Variants in WNK3 observed in about 807,000 individuals in gnomAD.
WNK3 encodes WNK lysine deficient protein kinase 3.
In WNK3, 18 loss-of-function variants were observed where a neutral mutation model predicts 116.7. That is an observed-to-expected ratio of 0.15 (90% CI 0.11 to 0.23). WNK3 has a LOEUF of 0.23. WNK3 is among the 10% of genes least tolerant of loss of function. WNK3 has a pLI of 1.00. For synonymous variants in WNK3, 404 were observed against 469.4 expected (o/e 0.86, Z 1.80); for missense variants, 993 against 1,323.8 (o/e 0.75, Z 3.88).
intron 8 of WNK3, 137 bp from the exon 9 acceptor site, chrX:54,293,464 A>T: frequency 2.5e-6 from 1 of 403,715 alleles, no homozygotes; most frequent in Non-Finnish European, 4.0e-6. Flanking sequence ...AAATATTTAC[A>T]CTACAACATT....
intron 22 of WNK3, among the ~76,000 whole-genome samples, chrX:54,209,800 C>T (rs1210187373): frequency 9.0e-6 from 1 of 110,505 alleles, no homozygotes; most frequent in Non-Finnish European, 1.9e-5. Context: ...ATCTGCTCAC[C>T]TCAGCCTCCC....
intron 15 of WNK3, among the ~76,000 whole-genome samples, chrX:54,250,336 T>G (rs1262559934): frequency 1.8e-5 from 2 of 111,630 alleles, no homozygotes; most frequent in Non-Finnish European, 3.8e-5. Flanking sequence ...TAGAGAAGGA[T>G]TTTAGATTCT....
At chrX:54,197,663 TGCA>T (rs1557140484) in exon 24 of WNK3, 2 of 104,741 alleles carry the variant, frequency 1.9e-5, no homozygotes, top group African/African-American at 3.5e-5. Context: ...AGGGGGAGGT[TGCA>T]GCAGTGAGCC....
exon 24 of WNK3, chrX:54,198,189 C>T: frequency 1.8e-6 from 1 of 565,745 alleles, no homozygotes; most frequent in Non-Finnish European, 2.6e-6. Flanking sequence ...CACACTGGAA[C>T]AAAAAATATA....
intron 17 of WNK3, 23 bp from the exon 18 acceptor site, chrX:54,239,122 AAAC>A: frequency 3.6e-6 from 3 of 833,081 alleles, no homozygotes; most frequent in Non-Finnish European, 4.8e-6. Context: ...AAACAAAACA[AAAC>A]AAAACAAAAC....
chrX:54,249,424 T>C, exon 17 of WNK3: 1 of 1,211,576 alleles, frequency 8.3e-7, no homozygotes, highest in Non-Finnish European at 1.1e-6. Flanking sequence ...ACTGGAACTA[T>C]TAGTAACTGG....
At chrX:54,343,389 C>G (rs1557176796) in intron 1 of WNK3, among the ~76,000 whole-genome samples, 1 of 109,857 alleles carries the variant, frequency 9.1e-6, no homozygotes. Flanking sequence ...CGCCTGTAAT[C>G]CCAACTACTC....
At position 54,302,930 on chromosome X, in the gene WNK3, A is replaced by ATT. The variant is rs782315389; in HGVS notation, c.1090-1073_1090-1072dup. Among the ~76,000 whole-genome samples the ATT allele has an allele frequency of 1.0e-3, 84 of 81,698 alleles. 1 individual carries two copies. Among genetic ancestry groups the ATT allele is most frequent in the African/African-American group, 2.8e-3 (56 of 20,061 alleles). 70.9% of individuals were successfully genotyped at this position (81,698 alleles called of 115,157 possible). ...AGGCGCATGCCACCAAACTCGGCTAATTTTTTTTTTTTTTTTTTTTTTGTA... is the reference window on the plus strand; with the variant it reads ...AGGCGCATGCCACCAAACTCGGCTAATTTTTTTTTTTTTTTTTTTTTTTTGTA... On this transcript the variant is annotated intron_variant, in intron 5 of 23. Transcript: ENST00000354646.
chrX:54,335,942 T>C (rs1045976447), intron 1 of WNK3, among the ~76,000 whole-genome samples: 1 of 112,021 alleles, frequency 8.9e-6, no homozygotes, highest in African/African-American at 3.2e-5. Flanking sequence ...TATAGATAAA[T>C]GGAATAAAAA....
exon 6 of WNK3, chrX:54,301,776 A>C (rs782238689): frequency 5.0e-6 from 6 of 1,203,567 alleles, no homozygotes; most frequent in Non-Finnish European, 6.7e-6. Flanking sequence ...CCCACCTTTC[A>C]GATTTGTTTT....
At chrX:54,281,287 C>T (rs2068512917) in intron 10 of WNK3, among the ~76,000 whole-genome samples, 2 of 110,588 alleles carry the variant, frequency 1.8e-5, no homozygotes, top group African/African-American at 6.6e-5. Context: ...GAGTTCGAGA[C>T]CAGTCTGGAC....
intron 1 of WNK3, among the ~76,000 whole-genome samples, chrX:54,347,773 T>A (rs957316487): frequency 1.9e-5 from 2 of 108,105 alleles, no homozygotes; most frequent in African/African-American, 6.7e-5. Context: ...TACATATACA[T>A]ATACATAATA....
chrX:54,215,333 G>A (rs1489782861), intron 22 of WNK3, among the ~76,000 whole-genome samples: 2 of 111,272 alleles, frequency 1.8e-5, no homozygotes, highest in African/African-American at 6.5e-5. Context: ...TGGGATTGCA[G>A]GCGCGCGCCG....
chrX:54,319,615 T>G (rs1286087232), intron 2 of WNK3, among the ~76,000 whole-genome samples: 2 of 112,308 alleles, frequency 1.8e-5, no homozygotes, highest in Non-Finnish European at 3.7e-5. Flanking sequence ...ATTACAACTG[T>G]TTTCCCAGAT....
intron 2 of WNK3, among the ~76,000 whole-genome samples, chrX:54,312,733 G>A (rs1279995174): frequency 9.0e-6 from 1 of 111,332 alleles, no homozygotes; most frequent in Admixed American, 9.7e-5. Context: ...GAGCTATTGC[G>A]CCCGGCCTTC....
chrX:54,236,800 A>G, intron 20 of WNK3, 138 bp downstream of exon 20: 1 of 750,486 alleles, frequency 1.3e-6, no homozygotes, highest in East Asian at 3.3e-5. Context: ...TTTCTCATTC[A>G]TAAATGTTTA....
exon 24 of WNK3, chrX:54,197,327 G>A (rs1164153971): frequency 8.9e-6 from 1 of 112,367 alleles, no homozygotes; most frequent in African/African-American, 3.2e-5. Context: ...AACAGCAGCA[G>A]TATCTGCAGA....
chrX:54,245,217 T>C (rs1398864959), intron 17 of WNK3, among the ~76,000 whole-genome samples: 1 of 105,328 alleles, frequency 9.5e-6, no homozygotes, highest in Admixed American at 1.0e-4. Context: ...CCAGGTGTGG[T>C]GGCTCATGCC....
chrX:54,248,337 C>CT (rs1201076528), intron 17 of WNK3, among the ~76,000 whole-genome samples: 61 of 107,105 alleles, frequency 5.7e-4, no homozygotes, highest in African/African-American at 1.7e-3. Flanking sequence ...AAAACCATAA[C>CT]TTTTTTTTTT....
Sources: gnomAD v4.1 joint callset for allele counts (sites outside exome capture counted in the v4.1 genomes callset) on GRCh38, gnomAD v4.1.1 for gene constraint, MANE v1.5 for transcripts, NCBI Gene and HGNC (gene_info 2026-07-23, HGNC 2026-07-21) for gene names.